Variants in C1orf21 observed in about 807,000 individuals in gnomAD.
C1orf21 encodes chromosome 1 open reading frame 21.
A neutral mutation model predicts 18.7 loss-of-function variants in C1orf21; 3 were observed. The ratio of observed to expected loss-of-function variants is 0.16; its 90% CI spans 0.07 to 0.42. C1orf21 has a LOEUF of 0.42. C1orf21 is among the 10% of genes least tolerant of loss of function. The probability of loss-of-function intolerance (pLI) is 0.99; values close to 1 mark genes in which losing one functional copy is unlikely to be tolerated. For synonymous variants in C1orf21, 41 were observed against 46.4 expected (o/e 0.88, Z 0.47); for missense variants, 104 against 143.6 (o/e 0.72, Z 1.41).
chr1:184,498,562 G>C (rs1031027369), intron 2 of C1orf21, among the ~76,000 whole-genome samples: 1 of 152,160 alleles, frequency 6.6e-6, no homozygotes, highest in African/African-American at 2.4e-5. Flanking sequence ...TGAGTCAGCA[G>C]ACATTTATTC....
intron 5 of C1orf21, among the ~76,000 whole-genome samples, chr1:184,613,166 T>A (rs972197862): frequency 2.0e-5 from 3 of 152,194 alleles, no homozygotes; most frequent in Non-Finnish European, 4.4e-5. Context: ...GTCAGGCTGG[T>A]CTCGAACTCT....
intron 1 of C1orf21, among the ~76,000 whole-genome samples, chr1:184,423,687 C>T (rs927660185): frequency 2.0e-5 from 3 of 152,254 alleles, no homozygotes; most frequent in Admixed American, 1.3e-4. Context: ...CTGAACACAC[C>T]AGGAAGGGGA....
intron 1 of C1orf21, among the ~76,000 whole-genome samples, chr1:184,427,962 A>G (rs1381423476): frequency 6.6e-6 from 1 of 152,144 alleles, no homozygotes; most frequent in Non-Finnish European, 1.5e-5. Context: ...GGAACACTCA[A>G]TGACTTATCT....
chr1:184,485,022 G>A (rs2101993867), intron 2 of C1orf21, among the ~76,000 whole-genome samples: 1 of 152,168 alleles, frequency 6.6e-6, no homozygotes, highest in East Asian at 1.9e-4. Flanking sequence ...GATTTATTCA[G>A]AAATTAAAAG....
intron 1 of C1orf21, among the ~76,000 whole-genome samples, chr1:184,450,937 G>A (rs1010736607): frequency 1.3e-5 from 2 of 152,162 alleles, no homozygotes; most frequent in Non-Finnish European, 2.9e-5. Context: ...GAGTGCAGTG[G>A]CGCAATCTCA....
intron 3 of C1orf21, among the ~76,000 whole-genome samples, chr1:184,532,209 A>C (rs1385602380): frequency 1.3e-5 from 2 of 152,180 alleles, no homozygotes; most frequent in Non-Finnish European, 2.9e-5. Context: ...CACTCAGCTC[A>C]CTTGTGTGAC....
At chr1:184,585,040 TGTA>T (rs1484691598) in intron 3 of C1orf21, among the ~76,000 whole-genome samples, 1 of 152,210 alleles carries the variant, frequency 6.6e-6, no homozygotes, top group Non-Finnish European at 1.5e-5. Flanking sequence ...ATCATATAGT[TGTA>T]GTGGGGGAAT....
At chr1:184,401,565 G>C (rs1186656003) in intron 1 of C1orf21, among the ~76,000 whole-genome samples, 1 of 151,866 alleles carries the variant, frequency 6.6e-6, no homozygotes. Context: ...CCTAATATTT[G>C]GCAAATATTT....
At chr1:184,422,528 A>G (rs1003982782) in intron 1 of C1orf21, among the ~76,000 whole-genome samples, 1 of 152,236 alleles carries the variant, frequency 6.6e-6, no homozygotes, top group Non-Finnish European at 1.5e-5. Flanking sequence ...ACACAGCTAG[A>G]AAGTAGAAGT....
chr1:184,467,460 A>C (rs1657420242), intron 1 of C1orf21, among the ~76,000 whole-genome samples: 1 of 152,208 alleles, frequency 6.6e-6, no homozygotes, highest in African/African-American at 2.4e-5. Context: ...GATATGGCAC[A>C]CAGAGGCTGA....
At chr1:184,410,122 C>T (rs1656309034) in intron 1 of C1orf21, among the ~76,000 whole-genome samples, 1 of 151,178 alleles carries the variant, frequency 6.6e-6, no homozygotes, top group Non-Finnish European at 1.5e-5. Flanking sequence ...TTGTTCTGGC[C>T]AAAGAAAAAA....
intron 1 of C1orf21, among the ~76,000 whole-genome samples, chr1:184,416,548 A>C (rs1200423455): frequency 6.6e-6 from 1 of 152,192 alleles, no homozygotes; most frequent in Non-Finnish European, 1.5e-5. Flanking sequence ...TCCAGCACAA[A>C]TCACTTTTGG....
intron 3 of C1orf21, among the ~76,000 whole-genome samples, chr1:184,538,409 G>A (rs376362534): frequency 2.6e-4 from 39 of 152,022 alleles, no homozygotes; most frequent in Middle Eastern, 3.4e-3. Flanking sequence ...TTCTCATTCC[G>A]TAGGTTGCCT....
At chr1:184,597,411 C>T (rs1266920534) in intron 4 of C1orf21, among the ~76,000 whole-genome samples, 1 of 152,106 alleles carries the variant, frequency 6.6e-6, no homozygotes, top group Non-Finnish European at 1.5e-5. Flanking sequence ...CACTTGTGCC[C>T]CTCCTTGTGG....
intron 3 of C1orf21, among the ~76,000 whole-genome samples, chr1:184,584,377 TAC>T (rs1159663679): frequency 1.3e-5 from 2 of 152,126 alleles, no homozygotes; most frequent in Non-Finnish European, 1.5e-5. Flanking sequence ...GAGATCCCAC[TAC>T]ACACTACCTA....
intron 1 of C1orf21, among the ~76,000 whole-genome samples, chr1:184,438,464 C>T (rs1415549730): frequency 1.3e-5 from 2 of 152,174 alleles, no homozygotes; most frequent in East Asian, 3.9e-4. Context: ...GTTCAGCCCC[C>T]TCAAGTTCCA....
intron 1 of C1orf21, among the ~76,000 whole-genome samples, chr1:184,464,503 A>G (rs1283114404): frequency 6.6e-6 from 1 of 152,244 alleles, no homozygotes; most frequent in African/African-American, 2.4e-5. Flanking sequence ...CACCATTTTC[A>G]AGAGGATTTG....
chr1:184,593,110 T>C (rs1359636214), intron 4 of C1orf21, among the ~76,000 whole-genome samples: 1 of 152,208 alleles, frequency 6.6e-6, no homozygotes, highest in Non-Finnish European at 1.5e-5. Context: ...ATGCTTCCCT[T>C]ATCTCAGAGT....
At chr1:184,533,009 CTTTTGT>C (rs1658490430) in intron 3 of C1orf21, among the ~76,000 whole-genome samples, 2 of 152,266 alleles carry the variant, frequency 1.3e-5, no homozygotes, top group African/African-American at 4.8e-5. Flanking sequence ...TTAAAGTCAT[CTTTTGT>C]TTTTGTTTTT....
Sources: gnomAD v4.1 joint callset for allele counts (sites outside exome capture counted in the v4.1 genomes callset) on GRCh38, gnomAD v4.1.1 for gene constraint, MANE v1.5 for transcripts, NCBI Gene and HGNC (gene_info 2026-07-23, HGNC 2026-07-21) for gene names.